Variants in TLN2 observed in about 807,000 individuals in gnomAD.
TLN2 encodes the protein talin 2, also known as talin-2.
Under a neutral mutation model 294.7 loss-of-function variants are expected in TLN2, and 118 were observed. That is an observed-to-expected ratio of 0.40 (90% confidence interval 0.34 to 0.47). The LOEUF is 0.47. Among genes scored for constraint, TLN2 ranks in the 20% least tolerant of loss-of-function variants. TLN2 has a pLI of 0.84. For synonymous variants in TLN2, 1,431 were observed against 1,304.5 expected, an observed-to-expected ratio of 1.10 and a Z score of -2.09; for missense variants, 3,083 against 3,282.2, an observed-to-expected ratio of 0.94 and a Z score of 1.48.
intron 39 of TLN2, among the ~76,000 whole-genome samples, chr15:62,762,979 T>C (rs1452362030): frequency 3.9e-5 from 6 of 152,254 alleles, no homozygotes; most frequent in Non-Finnish European, 5.9e-5. Flanking sequence ...CAAGTAGATA[T>C]AACATTTCTG....
chr15:62,795,156 G>A (rs1028235312), intron 46 of TLN2, among the ~76,000 whole-genome samples: 11 of 152,244 alleles, frequency 7.2e-5, no homozygotes, highest in African/African-American at 2.6e-4. Flanking sequence ...TGATACATCC[G>A]TGCTTGGTGG....
At chr15:62,533,067 A>G (rs1253223937) in intron 1 of TLN2, among the ~76,000 whole-genome samples, 2 of 151,972 alleles carry the variant, frequency 1.3e-5, no homozygotes, top group Non-Finnish European at 2.9e-5. Context: ...CAGCCTGGCC[A>G]AAGTGGTGAA....
Position 62,781,238 on chromosome 15 carries a change from A to C in TLN2, c.5613A>C (p.Glu1871Asp). The C allele has an allele frequency of 6.2e-7, 1 of 1,613,292 alleles. No homozygotes were observed. Among genetic ancestry groups the C allele is most frequent in the Non-Finnish European group, 8.5e-7 (1 of 1,179,344 alleles). Reference protein sequence around the residue: ...YSKAIAVTAQEMMTKSVTNPE... With the variant: ...YSKAIAVTAQDMMTKSVTNPE... ...AAGCCATTGCGGTGACAGCTCAGGA[A>C]ATGGTAAGAGGGAAGAGAGCTGCCC... is the stretch of plus-strand genomic sequence containing the variant. The change falls in exon 44 of 59, where the codon GAA becomes GAC. Residue 1871 changes from glutamate (E) to aspartate (D), a missense_variant. Glu to Asp is a conservative substitution (Grantham distance 45). Coordinates refer to ENST00000636159, the MANE Select transcript of TLN2 (RefSeq NM_015059.3).
intron 3 of TLN2, among the ~76,000 whole-genome samples, chr15:62,635,991 G>T (rs745580675): frequency 3.3e-5 from 5 of 152,074 alleles, no homozygotes; most frequent in Non-Finnish European, 7.4e-5. Context: ...TGTCCTGCTT[G>T]GGCGAAGTCT....
intron 1 of TLN2, among the ~76,000 whole-genome samples, chr15:62,473,617 T>C (rs1194260362): frequency 1.3e-5 from 2 of 152,194 alleles, no homozygotes; most frequent in African/African-American, 4.8e-5. Context: ...TAAGGGAAGG[T>C]TCCTACTGAA....
intron 19 of TLN2, among the ~76,000 whole-genome samples, chr15:62,703,745 T>A (rs2058879659): frequency 6.6e-6 from 1 of 152,168 alleles, no homozygotes; most frequent in South Asian, 2.1e-4. Context: ...GTCTTTTTTG[T>A]GACCCTTCTT....
At chr15:62,529,565 A>C (rs1168128313) in intron 1 of TLN2, among the ~76,000 whole-genome samples, 2 of 112,992 alleles carry the variant, frequency 1.8e-5, no homozygotes, top group Non-Finnish European at 3.8e-5. Flanking sequence ...AAAGCTTAAA[A>C]AAAAAAAAAA....
chr15:62,430,048 T>C (rs1040206455), intron 1 of TLN2, among the ~76,000 whole-genome samples: 2 of 152,242 alleles, frequency 1.3e-5, no homozygotes, highest in Non-Finnish European at 2.9e-5. Flanking sequence ...TAAACTAGTT[T>C]ATTCTAGTTC....
At chr15:62,688,900 A>G (rs1016656829) in intron 12 of TLN2, among the ~76,000 whole-genome samples, 1 of 152,106 alleles carries the variant, frequency 6.6e-6, no homozygotes, top group South Asian at 2.1e-4. Context: ...GTTATATTTG[A>G]AATGAATTCT....
intron 1 of TLN2, among the ~76,000 whole-genome samples, chr15:62,484,987 A>C (rs1454360392): frequency 6.6e-6 from 1 of 152,084 alleles, no homozygotes; most frequent in Non-Finnish European, 1.5e-5. Context: ...CCAAGGGAGA[A>C]TCCATCTCTT....
At chr15:62,798,811 T>G (rs1376500828) in intron 48 of TLN2, among the ~76,000 whole-genome samples, 1 of 152,180 alleles carries the variant, frequency 6.6e-6, no homozygotes, top group Non-Finnish European at 1.5e-5. Flanking sequence ...GAGGAAACAT[T>G]CCTTATGCTA....
chr15:62,833,193 A>G lies in TLN2; in HGVS notation c.7003-311A>G, dbSNP rs1219893454. ...AAAGGGTAAATTTTGTGTTATATAT[A>G]TTGTACCACACATACAAAGAAAACT... On this transcript the variant is annotated intron_variant, in intron 54 of 58. Coordinates refer to ENST00000636159, the MANE Select transcript of TLN2 (RefSeq NM_015059.3). The G allele has an allele frequency of 1.9e-5, 5 of 265,584 alleles. No homozygotes were observed. The East Asian group carries it at 3.3e-4, about 18-fold the overall frequency. 16.5% of individuals were successfully genotyped at this position (265,584 alleles called of 1,614,324 possible).
intron 12 of TLN2, among the ~76,000 whole-genome samples, chr15:62,688,250 C>T (rs903974884): frequency 3.3e-5 from 5 of 152,088 alleles, no homozygotes; most frequent in East Asian, 1.9e-4. Flanking sequence ...GCCCATTATA[C>T]GTAGTGATTT....
At chr15:62,657,004 G>A (rs931865194) in intron 8 of TLN2, among the ~76,000 whole-genome samples, 1 of 152,172 alleles carries the variant, frequency 6.6e-6, no homozygotes, top group African/African-American at 2.4e-5. Context: ...TGGAAAGAGG[G>A]CTGAGAGGAA....
intron 1 of TLN2, among the ~76,000 whole-genome samples, chr15:62,511,473 T>C (rs547163857): frequency 2.6e-5 from 4 of 152,332 alleles, no homozygotes; most frequent in Admixed American, 6.5e-5. Flanking sequence ...TTATTTGTTT[T>C]TATGTTAAAA....
chr15:62,397,360 T>C (rs2032635888), intron 1 of TLN2, among the ~76,000 whole-genome samples: 1 of 152,146 alleles, frequency 6.6e-6, no homozygotes, highest in African/African-American at 2.4e-5. Flanking sequence ...CGGGCTCAAG[T>C]GATCCTCCTG....
chr15:62,794,906 G>C (rs948609036), intron 46 of TLN2, among the ~76,000 whole-genome samples: 1 of 152,220 alleles, frequency 6.6e-6, no homozygotes, highest in African/African-American at 2.4e-5. Flanking sequence ...AACGTTGTCA[G>C]ATTCTTCTTT....
chr15:62,690,702 C>T (rs1244040037), intron 12 of TLN2, among the ~76,000 whole-genome samples: 1 of 149,116 alleles, frequency 6.7e-6, no homozygotes, highest in Non-Finnish European at 1.5e-5. Context: ...GATCACGCCA[C>T]TGCACTCCAG....
In TLN2 at chr15:62,752,421, A is replaced by C. The variant is rs1309283971; in HGVS notation, c.4326A>C (p.Ala1442=). The C allele has an allele frequency of 3.7e-6, 6 of 1,614,150 alleles. No individual in the cohort carries two copies. Among genetic ancestry groups the C allele is most frequent in the Non-Finnish European group, 5.1e-6 (6 of 1,180,010 alleles). ...CTCTCTGTGGGCTGACAGAGGCTGC[A>C]GCCCAGGTAAGGGGCTAGTCCCGAT... is the stretch of plus-strand genomic sequence containing the variant. ...SKALCGLTEA[A]AQAAYLVGIS... is the part of the protein sequence containing the mutation. Residue 1442 remains alanine (A), a synonymous_variant, in exon 35 of 59, where the codon GCA becomes GCC. Transcript: ENST00000636159.
Sources: allele counts gnomAD v4.1 joint callset (sites outside exome capture counted in the v4.1 genomes callset), GRCh38; gene constraint gnomAD v4.1.1; transcripts MANE v1.5; gene names NCBI Gene and HGNC (gene_info 2026-07-23, HGNC 2026-07-21).